Variants in CDYL2 observed in about 807,000 individuals in gnomAD.
CDYL2 encodes the protein chromodomain Y like 2.
CDYL2 carries 23 observed loss-of-function variants against 49.4 expected under a neutral mutation model. The observed-to-expected ratio is 0.47, with a 90% CI of 0.34 to 0.66. The LOEUF (loss-of-function observed/expected upper bound fraction) is 0.66. Ranked by LOEUF, CDYL2 falls within the 30% of genes least tolerant of loss-of-function variation. The probability of loss-of-function intolerance (pLI) is 0.01; values close to 1 mark genes in which losing one functional copy is unlikely to be tolerated. For missense variants in CDYL2, 678 were observed against 656.4 expected (o/e 1.03, Z -0.36); for synonymous variants, 360 against 268.8 (o/e 1.34, Z -3.32).
chr16:80,656,289 T>C (rs961662017), intron 2 of CDYL2, among the ~76,000 whole-genome samples: 6 of 152,212 alleles, frequency 3.9e-5, no homozygotes, highest in African/African-American at 1.4e-4. Context: ...ATGCCTCTCC[T>C]ACTCCCAACC....
At chr16:80,624,613 C>T (rs1325703997) in intron 3 of CDYL2, among the ~76,000 whole-genome samples, 1 of 152,138 alleles carries the variant, frequency 6.6e-6, no homozygotes, top group Non-Finnish European at 1.5e-5. Context: ...TACAAGTTGG[C>T]ATACTCAGCA....
chr16:80,783,893 G>T (rs181706600), intron 1 of CDYL2, among the ~76,000 whole-genome samples: 6 of 152,176 alleles, frequency 3.9e-5, no homozygotes, highest in Non-Finnish European at 8.8e-5. Flanking sequence ...AGTGCCCGGG[G>T]CTGGGAAAAC....
At chr16:80,677,537 A>G (rs1434356333) in intron 2 of CDYL2, among the ~76,000 whole-genome samples, 1 of 151,796 alleles carries the variant, frequency 6.6e-6, no homozygotes, top group African/African-American at 2.4e-5. Flanking sequence ...AGGAGATGAG[A>G]CCATGCTGCC....
chr16:80,614,141 A>T (rs753976032), intron 4 of CDYL2, among the ~76,000 whole-genome samples: 31 of 152,260 alleles, frequency 2.0e-4, no homozygotes, highest in Non-Finnish European at 4.1e-4. Flanking sequence ...TTGAGCAAAT[A>T]CATGAGTCTC....
intron 1 of CDYL2, among the ~76,000 whole-genome samples, chr16:80,759,102 C>CTATATATATATATAGA (rs1906422682): frequency 3.2e-5 from 2 of 63,388 alleles, no homozygotes; most frequent in Non-Finnish European, 5.3e-5. Flanking sequence ...AAACCATATA[C>CTATATATATATATAGA]TATATATATA....
intron 1 of CDYL2, 121 bp downstream of exon 1, chr16:80,804,029 C>G (rs1597141207): frequency 2.7e-6 from 2 of 732,516 alleles, no homozygotes; most frequent in African/African-American, 4.0e-5. Flanking sequence ...CCGCCGCCGC[C>G]GCGGGCTCGG....
intron 2 of CDYL2, among the ~76,000 whole-genome samples, chr16:80,635,481 A>C (rs1907778156): frequency 6.6e-6 from 1 of 152,204 alleles, no homozygotes; most frequent in Non-Finnish European, 1.5e-5. Flanking sequence ...AAAGAGAATA[A>C]AATACTTAGG....
Position 80,612,923 on chromosome 16 carries a change from G to A in CDYL2, c.1008-87C>T. The A allele has an allele frequency of 8.0e-7, 1 of 1,254,714 alleles. No homozygotes were observed. Among genetic ancestry groups the A allele is most frequent in the South Asian group, 1.6e-5 (1 of 64,042 alleles). The allele number at this position is 1,254,714 out of a possible 1,614,324, so 77.7% of individuals were successfully genotyped here. On this transcript the variant is annotated intron_variant, in intron 4 of 6. Coordinates refer to ENST00000570137, the MANE Select transcript of CDYL2 (RefSeq NM_152342.4). This position sits in a 1 kb window ranked among gnomAD's most constrained non-coding sequence, Gnocchi z 5.0. ...CCTTGACTCTCCCAGGTGCTGTGAG[G>A]AGCACCCTCAGGTCGTCAGAGGTTA...
intron 1 of CDYL2, among the ~76,000 whole-genome samples, chr16:80,725,118 G>A (rs1469523528): frequency 6.6e-6 from 1 of 151,916 alleles, no homozygotes; most frequent in Non-Finnish European, 1.5e-5. Flanking sequence ...AGCCTTGGTG[G>A]GCATTGTTCC....
At chr16:80,643,010 CCACAGTGCAAAGTCT>C (rs1356534461) in intron 2 of CDYL2, among the ~76,000 whole-genome samples, 8 of 152,174 alleles carry the variant, frequency 5.3e-5, no homozygotes, top group African/African-American at 1.9e-4. Context: ...ACCCAAAAGT[CCACAGTGCAAAGTCT>C]CATCTGAGAC....
intron 1 of CDYL2, among the ~76,000 whole-genome samples, chr16:80,750,002 A>G (rs535176749): frequency 6.6e-6 from 1 of 151,658 alleles, no homozygotes; most frequent in East Asian, 2.0e-4. Context: ...ACCAAACACC[A>G]CATGTTCTCA....
intron 4 of CDYL2, among the ~76,000 whole-genome samples, chr16:80,613,604 C>T (rs567973664): frequency 2.0e-5 from 3 of 152,312 alleles, no homozygotes; most frequent in Admixed American, 6.5e-5. Flanking sequence ...TATTTTCTCT[C>T]CCTGCCCTTC....
intron 1 of CDYL2, among the ~76,000 whole-genome samples, chr16:80,695,738 G>A (rs547942560): frequency 1.3e-5 from 2 of 152,234 alleles, no homozygotes; most frequent in Admixed American, 1.3e-4. Flanking sequence ...CAACACAGGA[G>A]CACCCAGATA....
chr16:80,730,768 T>C (rs1421297999), intron 1 of CDYL2, among the ~76,000 whole-genome samples: 4 of 152,146 alleles, frequency 2.6e-5, no homozygotes, highest in African/African-American at 4.8e-5. Context: ...AGCTATTACT[T>C]AGATATAAAA....
At chr16:80,614,575 A>G (rs1906741892) in intron 4 of CDYL2, among the ~76,000 whole-genome samples, 1 of 152,226 alleles carries the variant, frequency 6.6e-6, no homozygotes, top group Non-Finnish European at 1.5e-5. Flanking sequence ...TAACTAATAC[A>G]AAAGTCGAGG....
chr16:80,622,553 T>G (rs1907128206), intron 3 of CDYL2, among the ~76,000 whole-genome samples: 2 of 152,180 alleles, frequency 1.3e-5, no homozygotes. Flanking sequence ...GAATTGCATC[T>G]CTCTTATTCT....
chr16:80,644,177 C>A (rs1459737632), intron 2 of CDYL2, among the ~76,000 whole-genome samples: 1 of 152,182 alleles, frequency 6.6e-6, no homozygotes, highest in African/African-American at 2.4e-5. Flanking sequence ...AAGGCAGGGG[C>A]AAAATGCCAC....
At chr16:80,673,360 G>C (rs1005696092) in intron 2 of CDYL2, among the ~76,000 whole-genome samples, 2 of 151,932 alleles carry the variant, frequency 1.3e-5, no homozygotes, top group Non-Finnish European at 2.9e-5. Flanking sequence ...ATCAACAAGT[G>C]AATTTAAGTC....
intron 2 of CDYL2, among the ~76,000 whole-genome samples, chr16:80,635,214 TATCA>T: frequency 1.3e-5 from 2 of 152,304 alleles, no homozygotes; most frequent in East Asian, 1.9e-4. Flanking sequence ...CATATGATCA[TATCA>T]ATTGATGTAG....
Sources: allele counts gnomAD v4.1 joint callset (sites outside exome capture counted in the v4.1 genomes callset), GRCh38; gene constraint gnomAD v4.1.1; non-coding constraint Gnocchi (gnomAD v3.1); transcripts MANE v1.5; gene names NCBI Gene and HGNC (gene_info 2026-07-23, HGNC 2026-07-21).